The following NBEA variants were observed in gnomAD, a reference collection of about 807,000 sequenced individuals.
The protein encoded by NBEA is lysosomal-trafficking regulator 2.
In NBEA, 44 loss-of-function variants were observed where a neutral mutation model predicts 343.4. The ratio of observed to expected loss-of-function variants is 0.13; its 90% confidence interval spans 0.10 to 0.16. The LOEUF (loss-of-function observed/expected upper bound fraction) is 0.16, where lower values mean the gene tolerates loss of function less well. NBEA is among the 10% of genes least tolerant of loss of function. The pLI is 1.00. For missense variants in NBEA, 2,555 were observed against 3,631.3 expected (o/e 0.70, Z 7.62); for synonymous variants, 1,175 against 1,238.7 (o/e 0.95, Z 1.08).
At chr13:35,263,704 A>G (rs547802649) in intron 34 of NBEA, among the ~76,000 whole-genome samples, 3 of 151,932 alleles carry the variant, frequency 2.0e-5, no homozygotes, top group Admixed American at 1.3e-4. Context: ...AGATATTAAA[A>G]GAAAAACTTT....
chr13:35,536,481 G>A (rs191942852), intron 41 of NBEA, among the ~76,000 whole-genome samples: 1 of 152,242 alleles, frequency 6.6e-6, no homozygotes, highest in East Asian at 1.9e-4. Context: ...AAATTGAACA[G>A]CTAATACAGA....
chr13:35,306,972 A>C (rs558505501), intron 35 of NBEA, among the ~76,000 whole-genome samples: 22 of 152,168 alleles, frequency 1.4e-4, no homozygotes, highest in Admixed American at 5.2e-4. Flanking sequence ...TCTGAATTTC[A>C]CATTCTTTTT....
At chr13:35,548,038 G>T (rs1255967755) in intron 41 of NBEA, among the ~76,000 whole-genome samples, 1 of 152,202 alleles carries the variant, frequency 6.6e-6, no homozygotes, top group African/African-American at 2.4e-5. Context: ...AGAGCCAAGT[G>T]CTGGAGAACA....
At position 35,546,394 on chromosome 13, in the gene NBEA, G is replaced by A. The variant is rs77485089; in HGVS notation, c.6586-4083G>A. ...GTGGGAGAATCGCTCGAACCCAGGA[G>A]GTGGAGGTTGCATGAGAGGAGATGG... On this transcript the variant is annotated intron_variant, in intron 41 of 58. Transcript: ENST00000379939. Among the ~76,000 whole-genome samples, 392 of 151,920 alleles carry A rather than the reference G, an allele frequency of 2.6e-3. 3 individuals carry two copies. Among genetic ancestry groups the A allele is most frequent in the African/African-American group, 8.9e-3 (370 of 41,434 alleles).
At chr13:35,009,176 A>G (rs1457105042) in intron 1 of NBEA, among the ~76,000 whole-genome samples, 1 of 152,242 alleles carries the variant, frequency 6.6e-6, no homozygotes, top group Non-Finnish European at 1.5e-5. Context: ...TATTTATTGA[A>G]TGGAAAATAT....
intron 27 of NBEA, 127 bp downstream of exon 27, chr13:35,173,721 T>G: frequency 1.3e-5 from 10 of 750,418 alleles, no homozygotes; most frequent in Non-Finnish European, 1.9e-5. Flanking sequence ...TAGGCAGCTC[T>G]AGGCTGCTTA....
intron 38 of NBEA, among the ~76,000 whole-genome samples, chr13:35,402,224 T>C (rs2043034144): frequency 6.6e-6 from 1 of 151,976 alleles, no homozygotes; most frequent in Non-Finnish European, 1.5e-5. Flanking sequence ...TATAAATACA[T>C]CTGTTATGCT....
intron 1 of NBEA, among the ~76,000 whole-genome samples, chr13:34,953,872 A>G (rs1231065464): frequency 6.6e-6 from 1 of 152,208 alleles, no homozygotes; most frequent in Admixed American, 6.5e-5. Flanking sequence ...CTGTCAGATC[A>G]GCAGTGCCGT....
At chr13:35,177,849 TTAAATTTA>T (rs1472297862) in intron 28 of NBEA, among the ~76,000 whole-genome samples, 2 of 151,786 alleles carry the variant, frequency 1.3e-5, no homozygotes, top group African/African-American at 4.8e-5. Flanking sequence ...AGTTTATATT[TTAAATTTA>T]TATTTAACAG....
At chr13:35,562,428 A>T (rs989922336) in intron 44 of NBEA, among the ~76,000 whole-genome samples, 1 of 152,100 alleles carries the variant, frequency 6.6e-6, no homozygotes, top group Non-Finnish European at 1.5e-5. Flanking sequence ...AAAATAGGAG[A>T]GTAACCGCTA....
At chr13:35,536,426 A>T (rs966496936) in intron 41 of NBEA, among the ~76,000 whole-genome samples, 2 of 151,746 alleles carry the variant, frequency 1.3e-5, no homozygotes, top group Non-Finnish European at 2.9e-5. Context: ...GTTTTTTTTT[A>T]ATTTCAATAG....
intron 38 of NBEA, among the ~76,000 whole-genome samples, chr13:35,354,575 G>A (rs1157517811): frequency 6.6e-6 from 1 of 151,668 alleles, no homozygotes; most frequent in Non-Finnish European, 1.5e-5. Flanking sequence ...TTCTTTCCTT[G>A]CACATTAGTT....
intron 34 of NBEA, chr13:35,251,901 T>G (rs1416686028): frequency 1.3e-5 from 2 of 153,224 alleles, no homozygotes; most frequent in Non-Finnish European, 2.9e-5. Flanking sequence ...ACACCAGCCT[T>G]CCTTCTGCTC....
intron 1 of NBEA, among the ~76,000 whole-genome samples, chr13:34,958,013 C>G (rs913247158): frequency 6.6e-6 from 1 of 151,908 alleles, no homozygotes; most frequent in African/African-American, 2.4e-5. Context: ...GTAAAATACA[C>G]AATGAATTTC....
At chr13:35,432,666 A>G (rs1756801290) in intron 39 of NBEA, among the ~76,000 whole-genome samples, 1 of 151,734 alleles carries the variant, frequency 6.6e-6, no homozygotes, top group African/African-American at 2.4e-5. Flanking sequence ...CCTTTCATAT[A>G]TCCTAACACA....
intron 41 of NBEA, among the ~76,000 whole-genome samples, chr13:35,537,019 A>G (rs928623635): frequency 1.3e-5 from 2 of 152,156 alleles, no homozygotes; most frequent in African/African-American, 2.4e-5. Flanking sequence ...AGTTGTGTCA[A>G]TCAGGGAAAT....
chr13:35,088,030 A>G (rs979322040), intron 10 of NBEA, among the ~76,000 whole-genome samples: 4 of 151,924 alleles, frequency 2.6e-5, no homozygotes, highest in Non-Finnish European at 5.9e-5. Flanking sequence ...GGCATTAGAA[A>G]GGTGCAGTGT....
chr13:35,036,656 AT>A (rs564673087), intron 1 of NBEA, among the ~76,000 whole-genome samples: 360 of 152,030 alleles, frequency 2.4e-3, no homozygotes, highest in Non-Finnish European at 4.0e-3. Flanking sequence ...TTTGAAGGAT[AT>A]TTTCACTGGA....
intron 40 of NBEA, among the ~76,000 whole-genome samples, chr13:35,458,823 T>TA (rs1439646890): frequency 2.6e-5 from 4 of 151,956 alleles, no homozygotes; most frequent in South Asian, 2.1e-4. Context: ...ACTGTTACTG[T>TA]AAAAAAAATT....
Sources: allele counts gnomAD v4.1 joint callset (sites outside exome capture counted in the v4.1 genomes callset), GRCh38; gene constraint gnomAD v4.1.1; transcripts MANE v1.5; gene names NCBI Gene and HGNC (gene_info 2026-07-23, HGNC 2026-07-21).